Variants in MYLK observed in about 807,000 individuals in gnomAD.
MYLK encodes myosin light chain kinase, also known as myosin light chain kinase, smooth muscle.
Under a neutral mutation model 203.4 loss-of-function variants are expected in MYLK, and 106 were observed. The observed-to-expected ratio is 0.52, with a 90% CI of 0.45 to 0.61. The LOEUF (loss-of-function observed/expected upper bound fraction) is 0.61, where lower values mean the gene tolerates loss of function less well. Among genes scored for constraint, MYLK ranks in the 20% least tolerant of loss-of-function variants. MYLK has a pLI of 0.00. For missense variants in MYLK, 2,072 were observed against 2,442.3 expected (o/e 0.85, Z 3.20); for synonymous variants, 867 against 959.5 (o/e 0.90, Z 1.78).
chr3:123,753,476 CTT>C (rs5852362), intron 4 of MYLK, among the ~76,000 whole-genome samples: 148 of 120,846 alleles, frequency 1.2e-3, no homozygotes, highest in South Asian at 2.0e-3. Flanking sequence ...TCTGAGTTTC[CTT>C]TTTTTTTTTT....
chr3:123,731,142 A>G (rs748164460), intron 11 of MYLK, among the ~76,000 whole-genome samples: 22 of 152,156 alleles, frequency 1.4e-4, no homozygotes, highest in Non-Finnish European at 2.8e-4. Flanking sequence ...CCTGGCCTGG[A>G]TGATGAGGCT....
chr3:123,860,146 G>A (rs1433484342), intron 2 of MYLK, among the ~76,000 whole-genome samples: 1 of 152,204 alleles, frequency 6.6e-6, no homozygotes, highest in Non-Finnish European at 1.5e-5. Context: ...CTTCTGTTAT[G>A]CTGGTTAAAA....
intron 5 of MYLK, among the ~76,000 whole-genome samples, chr3:123,741,452 A>G (rs2062853345): frequency 6.6e-6 from 1 of 152,212 alleles, no homozygotes; most frequent in African/African-American, 2.4e-5. Flanking sequence ...TCTCTATTCA[A>G]AAGTAAAAGA....
intron 4 of MYLK, among the ~76,000 whole-genome samples, 196 bp downstream of exon 4, chr3:123,793,481 C>G (rs982327664): frequency 1.3e-5 from 2 of 152,154 alleles, no homozygotes; most frequent in Admixed American, 6.5e-5. Context: ...CTCCCCACCC[C>G]CAAGTTCTCC....
chr3:123,700,854 C>T lies in MYLK; in HGVS notation c.2614G>A (p.Val872Met). The T allele has an allele frequency of 6.2e-7, 1 of 1,613,912 alleles. No individual in the cohort carries two copies. Among genetic ancestry groups the T allele is most frequent in the Non-Finnish European group, 8.5e-7 (1 of 1,180,036 alleles). Residue 872 changes from valine (V) to methionine (M), a missense_variant, in exon 18 of 34, where the codon GTG becomes ATG. Coordinates refer to ENST00000360304, the MANE Select transcript of MYLK (RefSeq NM_053025.4). ...CTCGTCTCCACGCGCCTCTTCAGCA[C>T]CCCTCGCACGTCCTCGCCGTCTTCC... The part of the protein sequence containing the change: ...EEEDGEDVRG[V>M]LKRRVETRQH...
chr3:123,657,043 A>G, intron 24 of MYLK, 83 bp downstream of exon 24: 1 of 1,496,248 alleles, frequency 6.7e-7, no homozygotes, highest in Non-Finnish European at 9.3e-7. Flanking sequence ...GTTCCTTTTC[A>G]CCCCTTTCAG....
chr3:123,723,807 T>C (rs1169764200), intron 12 of MYLK, among the ~76,000 whole-genome samples: 1 of 152,232 alleles, frequency 6.6e-6, no homozygotes, highest in Non-Finnish European at 1.5e-5. Flanking sequence ...TTGAGTGATG[T>C]ATAAACTAGG....
chr3:123,767,844 C>A (rs542355856), intron 4 of MYLK, among the ~76,000 whole-genome samples: 1 of 152,128 alleles, frequency 6.6e-6, no homozygotes, highest in South Asian at 2.1e-4. Flanking sequence ...GGCCTGGTGG[C>A]CCTTGAGAAG....
At chr3:123,662,727 G>A (rs1362996420) in intron 23 of MYLK, among the ~76,000 whole-genome samples, 1 of 152,192 alleles carries the variant, frequency 6.6e-6, no homozygotes. Context: ...GTGTGCACCA[G>A]GAACACACAG....
intron 15 of MYLK, 88 bp downstream of exon 15, chr3:123,708,610 C>A: frequency 6.7e-7 from 1 of 1,487,842 alleles, no homozygotes; most frequent in Non-Finnish European, 9.2e-7. Context: ...AACAAAGTAG[C>A]CTCATGTGGT....
chr3:123,861,979 T>C (rs1468541766), intron 2 of MYLK, among the ~76,000 whole-genome samples: 2 of 152,174 alleles, frequency 1.3e-5, no homozygotes, highest in African/African-American at 2.4e-5. Context: ...CAGGGAGCTC[T>C]CTGTTCACTC....
chr3:123,668,116 G>A (rs561182320), intron 20 of MYLK, among the ~76,000 whole-genome samples: 16 of 152,244 alleles, frequency 1.1e-4, no homozygotes, highest in Admixed American at 2.0e-4. Flanking sequence ...TATAGTGCAC[G>A]TGCGAAAACA....
intron 13 of MYLK, among the ~76,000 whole-genome samples, chr3:123,718,131 G>A (rs1398082083): frequency 2.6e-5 from 4 of 152,076 alleles, no homozygotes; most frequent in African/African-American, 7.2e-5. Flanking sequence ...CAAAGTGCTG[G>A]GATTACAGGC....
intron 4 of MYLK, among the ~76,000 whole-genome samples, chr3:123,758,377 C>T (rs1220635219): frequency 1.3e-5 from 2 of 152,320 alleles, no homozygotes; most frequent in African/African-American, 2.4e-5. Flanking sequence ...TGCTCCCCAC[C>T]CCCATGTCCA....
chr3:123,779,698 C>T (rs12107829), intron 4 of MYLK, among the ~76,000 whole-genome samples: 9,223 of 152,234 alleles, frequency 0.061, 903 homozygotes, highest in African/African-American at 0.21. Context: ...TATTGCTCAT[C>T]CTCACCATCA....
chr3:123,664,287 G>C (rs1453428394), intron 22 of MYLK, 29 bp from the exon 23 acceptor site: 6 of 1,614,128 alleles, frequency 3.7e-6, no homozygotes, highest in Non-Finnish European at 5.1e-6. Context: ...GCAGGTGCTG[G>C]AGCCTTGGGC....
At chr3:123,715,790 G>A (rs570315722) in intron 13 of MYLK, 10 of 151,952 alleles carry the variant, frequency 6.6e-5, no homozygotes, top group East Asian at 5.8e-4. Context: ...TTTTCTTTCC[G>A]TTGTTTTAGT....
chr3:123,660,367 TCTA>T (rs1330766536), intron 23 of MYLK, among the ~76,000 whole-genome samples: 2 of 152,182 alleles, frequency 1.3e-5, no homozygotes, highest in African/African-American at 4.8e-5. Context: ...TGGGGTTCTC[TCTA>T]CTTTGTTTTT....
At position 123,752,485 on chromosome 3, in the gene MYLK, G is replaced by C. The variant is rs767065648; in HGVS notation, c.219C>G (p.Ile73Met). ...CCAGCAGGAAGCGGCCCCCGCTGGT[G>C]ATGGGTTGCCCGTTTCTGTGCCATG... is the stretch of plus-strand genomic sequence containing the variant. ...QVTWHRNGQP[I>M]TSGGRFLLDC... Residue 73 changes from isoleucine to methionine, a missense_variant, in exon 5 of 34, where the codon ATC becomes ATG. Ile to Met is a conservative substitution (Grantham distance 10, BLOSUM62 1). Coordinates refer to ENST00000360304, the MANE Select transcript of MYLK (RefSeq NM_053025.4). 6.2e-7 allele frequency: 1 copy of C among 1,614,154 alleles called. No individual in the cohort carries two copies. Among genetic ancestry groups the C allele is most frequent in the South Asian group, 1.1e-5 (1 of 91,076 alleles).
Sources: gnomAD v4.1 joint callset for allele counts (sites outside exome capture counted in the v4.1 genomes callset) on GRCh38, gnomAD v4.1.1 for gene constraint, MANE v1.5 for transcripts, NCBI Gene and HGNC (gene_info 2026-07-23, HGNC 2026-07-21) for gene names.